The following AGBL1 variants were observed in gnomAD, a reference collection of about 807,000 sequenced individuals.
AGBL1 encodes AGBL carboxypeptidase 1, also known as cytosolic carboxypeptidase 4.
AGBL1 carries 130 observed loss-of-function variants against 118.9 expected under a neutral mutation model. The ratio of observed to expected loss-of-function variants is 1.09; its 90% CI spans 0.95 to 1.26. The LOEUF is 1.26. Among genes scored for constraint, AGBL1 ranks in the 50% most tolerant of loss-of-function variants. The probability of loss-of-function intolerance (pLI) is 0.00; values close to 1 mark genes in which losing one functional copy is unlikely to be tolerated. For synonymous variants in AGBL1, 555 were observed against 478.9 expected (o/e 1.16, Z -2.08); for missense variants, 1,584 against 1,298.1 (o/e 1.22, Z -3.38).
At chr15:86,944,768 T>C (rs1245910204) in intron 23 of AGBL1, among the ~76,000 whole-genome samples, 2 of 152,214 alleles carry the variant, frequency 1.3e-5, no homozygotes, top group African/African-American at 4.8e-5. Flanking sequence ...GTAGAATTAA[T>C]TATCATCTTT....
intron 22 of AGBL1, among the ~76,000 whole-genome samples, chr15:86,888,782 A>G (rs2080008602): frequency 6.6e-6 from 1 of 152,164 alleles, no homozygotes; most frequent in Non-Finnish European, 1.5e-5. Flanking sequence ...GTCTTTCATG[A>G]GCCATTATGA....
At chr15:86,349,390 A>G (rs867607111) in intron 17 of AGBL1, among the ~76,000 whole-genome samples, 2 of 152,222 alleles carry the variant, frequency 1.3e-5, no homozygotes, top group Non-Finnish European at 1.5e-5. Flanking sequence ...AAACCCTGCT[A>G]TAGATCTTAA....
intron 17 of AGBL1, among the ~76,000 whole-genome samples, chr15:86,371,329 A>G (rs1413032954): frequency 6.6e-6 from 1 of 152,156 alleles, no homozygotes; most frequent in African/African-American, 2.4e-5. Flanking sequence ...TTTGAAGGAA[A>G]TGGTGGAGTT....
At chr15:86,928,587 T>A (rs1426891122) in intron 23 of AGBL1, among the ~76,000 whole-genome samples, 3 of 152,112 alleles carry the variant, frequency 2.0e-5, no homozygotes, top group African/African-American at 7.2e-5. Flanking sequence ...AACGTATGAG[T>A]CTTAACAACA....
intron 18 of AGBL1, among the ~76,000 whole-genome samples, chr15:86,459,130 G>A (rs921688929): frequency 2.0e-5 from 3 of 152,168 alleles, no homozygotes; most frequent in Non-Finnish European, 4.4e-5. Flanking sequence ...TTGACATGGA[G>A]CATGTGTATG....
intron 18 of AGBL1, among the ~76,000 whole-genome samples, chr15:86,521,439 C>T (rs1057023177): frequency 1.3e-5 from 2 of 152,108 alleles, no homozygotes; most frequent in African/African-American, 4.8e-5. Flanking sequence ...TCCCTGCCCC[C>T]AGGAGGCTCC....
chr15:86,906,619 T>C (rs1039088039), intron 22 of AGBL1, among the ~76,000 whole-genome samples: 1 of 152,188 alleles, frequency 6.6e-6, no homozygotes, highest in Non-Finnish European at 1.5e-5. Flanking sequence ...CCAATCCCAC[T>C]CTTTCCTGGA....
At chr15:86,090,714 T>C (rs560157418) in intron 1 of AGBL1, among the ~76,000 whole-genome samples, 4 of 152,326 alleles carry the variant, frequency 2.6e-5, no homozygotes, top group Non-Finnish European at 5.9e-5. Flanking sequence ...TTTTTAATAG[T>C]GAAATTTACC....
intron 21 of AGBL1, among the ~76,000 whole-genome samples, chr15:86,618,578 G>A (rs1375075915): frequency 1.3e-5 from 2 of 152,152 alleles, no homozygotes; most frequent in East Asian, 3.9e-4. Flanking sequence ...CAAATGCCTG[G>A]AATTTTGTTA....
chr15:86,792,505 A>C (rs149538616), intron 22 of AGBL1, among the ~76,000 whole-genome samples: 1 of 152,214 alleles, frequency 6.6e-6, no homozygotes, highest in Non-Finnish European at 1.5e-5. Flanking sequence ...GGAGTTTCAT[A>C]TGAGTTATGT....
In AGBL1 at chr15:86,383,275, A is replaced by AAAAAAAAAAAT. The variant is rs544397935; in HGVS notation, c.2375-14091_2375-14090insAAAAAAAAAAT. Among the ~76,000 whole-genome samples the AAAAAAAAAAAT allele has an allele frequency of 1.7e-5, 2 of 118,892 alleles. 1 individual carries two copies. Among genetic ancestry groups the AAAAAAAAAAAT allele is most frequent in the African/African-American group, 6.4e-5 (2 of 31,114 alleles). 78.0% of individuals were successfully genotyped at this position (118,892 alleles called of 152,430 possible). ...AAAAAAAAAAAAAAAAAAAAAAAAA[A>AAAAAAAAAAAT]TCCTAATTGCTTATCTTAAGTATTT... On this transcript the variant is annotated intron_variant, in intron 17 of 22. Coordinates refer to ENST00000614907, the MANE Select transcript of AGBL1 (RefSeq NM_001386094.1).
intron 24 of AGBL1, among the ~76,000 whole-genome samples, chr15:87,003,532 G>C (rs2081463861): frequency 6.6e-6 from 1 of 152,046 alleles, no homozygotes; most frequent in Non-Finnish European, 1.5e-5. Flanking sequence ...CTATTAATTG[G>C]AATAGTTTCA....
At position 86,761,548 on chromosome 15, in the gene AGBL1, T is replaced by A. The variant is rs1402515086; in HGVS notation, c.3158+87112T>A. Reference sequence around the variant, plus strand: ...TCATCAGCTCTGTGGTAAATTTGCTTCCATTCAGTTAGAAGCAGAAGAAGC... The same window carrying A: ...TCATCAGCTCTGTGGTAAATTTGCTACCATTCAGTTAGAAGCAGAAGAAGC... On this transcript the variant is annotated intron_variant, in intron 22 of 22. Transcript: ENST00000614907. 3.9e-5 allele frequency among the ~76,000 whole-genome samples: 6 copies of A among 152,172 alleles called. No homozygotes were observed. The East Asian group carries it at 1.2e-3, about 30-fold the overall frequency.
Position 87,022,535 on chromosome 15 carries a change from G to T in AGBL1, c.3324-6290G>T, listed in dbSNP as rs1004337408. On this transcript the variant is annotated intron_variant, in intron 24 of 24. Coordinates refer to the AGBL1 transcript ENST00000441037. Reference sequence around the variant, plus strand: ...CTAAAAGTTTGGAAAATATATTTGGGGGAATAATTGAAGAAAACTTCCCTG... The same window carrying T: ...CTAAAAGTTTGGAAAATATATTTGGTGGAATAATTGAAGAAAACTTCCCTG... Among the ~76,000 whole-genome samples, 7 of 152,164 alleles carry T rather than the reference G, an allele frequency of 4.6e-5. No homozygotes were observed. The South Asian group carries it at 1.4e-3, about 32-fold the overall frequency.
At chr15:86,675,922 A>G (rs1376080342) in intron 22 of AGBL1, among the ~76,000 whole-genome samples, 6 of 152,218 alleles carry the variant, frequency 3.9e-5, no homozygotes, top group Admixed American at 3.9e-4. Flanking sequence ...ACAAAAAGAA[A>G]TCTATCAAAG....
chr15:86,732,671 T>C (rs1230571293), intron 22 of AGBL1, among the ~76,000 whole-genome samples: 1 of 152,132 alleles, frequency 6.6e-6, no homozygotes, highest in Non-Finnish European at 1.5e-5. Flanking sequence ...ATACAGACTC[T>C]AAGACTAGAC....
intron 17 of AGBL1, among the ~76,000 whole-genome samples, chr15:86,383,734 C>A (rs1256345020): frequency 2.6e-5 from 4 of 152,216 alleles, no homozygotes; most frequent in Non-Finnish European, 5.9e-5. Flanking sequence ...TGCAGTGCTG[C>A]AAGAGCAGAT....
chr15:86,408,153 C>G (rs1567241401), intron 18 of AGBL1, among the ~76,000 whole-genome samples: 2 of 152,176 alleles, frequency 1.3e-5, no homozygotes, highest in African/African-American at 4.8e-5. Flanking sequence ...CATCCCCTCT[C>G]TGAAAGCTTA....
intron 22 of AGBL1, among the ~76,000 whole-genome samples, chr15:86,839,860 T>G (rs1214464591): frequency 6.6e-6 from 1 of 152,198 alleles, no homozygotes; most frequent in African/African-American, 2.4e-5. Context: ...CCTCTACTTT[T>G]ATTCCTCTGA....
Sources: allele counts gnomAD v4.1 joint callset (sites outside exome capture counted in the v4.1 genomes callset), GRCh38; gene constraint gnomAD v4.1.1; transcripts MANE v1.5; gene names NCBI Gene and HGNC (gene_info 2026-07-23, HGNC 2026-07-21).